Variants in SH3RF1 observed in about 807,000 individuals in gnomAD.
SH3RF1 encodes E3 ubiquitin-protein ligase SH3RF1.
SH3RF1 carries 32 observed loss-of-function variants against 74.0 expected under a neutral mutation model. That is an observed-to-expected ratio of 0.43 (90% confidence interval 0.33 to 0.58). SH3RF1 has a LOEUF of 0.58. Ranked by LOEUF, SH3RF1 falls within the 20% of genes least tolerant of loss-of-function variation. The pLI is 0.05. For missense variants in SH3RF1, 954 were observed against 1,130.9 expected (o/e 0.84, Z 2.24); for synonymous variants, 396 against 439.6 (o/e 0.90, Z 1.24).
intron 2 of SH3RF1, among the ~76,000 whole-genome samples, chr4:169,259,639 C>T (rs1164012009): frequency 6.6e-6 from 1 of 152,128 alleles, no homozygotes; most frequent in African/African-American, 2.4e-5. Context: ...GCAGAAGATA[C>T]ATGTACTCTT....
chr4:169,251,702 A>T (rs1429143696), intron 2 of SH3RF1, among the ~76,000 whole-genome samples: 1 of 152,224 alleles, frequency 6.6e-6, no homozygotes, highest in Non-Finnish European at 1.5e-5. Flanking sequence ...TCAGCAATGC[A>T]GAGTGACCTC....
chr4:169,152,840 T>C (rs749100352), intron 4 of SH3RF1, among the ~76,000 whole-genome samples: 3 of 152,194 alleles, frequency 2.0e-5, no homozygotes, highest in Non-Finnish European at 4.4e-5. Context: ...AGTCACATGA[T>C]GTTGAGGAAG....
intron 2 of SH3RF1, among the ~76,000 whole-genome samples, chr4:169,186,671 A>C (rs1173914339): frequency 3.3e-5 from 5 of 150,532 alleles, no homozygotes; most frequent in Non-Finnish European, 4.5e-5. Flanking sequence ...TCAATAAGGA[A>C]TCTCTCCTTT....
intron 2 of SH3RF1, among the ~76,000 whole-genome samples, chr4:169,240,719 A>T (rs939897215): frequency 2.6e-5 from 4 of 152,168 alleles, no homozygotes; most frequent in Admixed American, 2.6e-4. Context: ...AGAATATTTG[A>T]AATCTACTGG....
chr4:169,140,929 T>C lies in SH3RF1; in HGVS notation c.766-4309A>G, dbSNP rs114036592. 5.0e-3 allele frequency among the ~76,000 whole-genome samples: 761 copies of C among 152,116 alleles called. 6 individuals carry two copies. Among genetic ancestry groups the C allele is most frequent in the African/African-American group, 0.017 (697 of 41,530 alleles). On this transcript the variant is annotated intron_variant, in intron 4 of 11. Transcript: ENST00000284637. ...CCTCTACATGTAGCCCAACACAAAT[T>C]TGTAAACTTTCTTAAAACATTATGA... is the stretch of plus-strand genomic sequence containing the variant.
chr4:169,254,912 T>C (rs780500194), intron 2 of SH3RF1, among the ~76,000 whole-genome samples: 7 of 151,952 alleles, frequency 4.6e-5, no homozygotes, highest in Non-Finnish European at 2.9e-5. Flanking sequence ...TCAGTCCAGA[T>C]AAAAAGAGAG....
At chr4:169,223,077 C>A (rs1730594630) in intron 2 of SH3RF1, among the ~76,000 whole-genome samples, 1 of 152,186 alleles carries the variant, frequency 6.6e-6, no homozygotes, top group Admixed American at 6.5e-5. Context: ...CATCAGTCCT[C>A]CAACACGCAG....
At chr4:169,216,132 T>C (rs2126998702) in intron 2 of SH3RF1, among the ~76,000 whole-genome samples, 1 of 152,310 alleles carries the variant, frequency 6.6e-6, no homozygotes, top group South Asian at 2.1e-4. Context: ...GTATCTGTGA[T>C]ATATGTTAGC....
At chr4:169,246,632 G>A (rs1183722648) in intron 2 of SH3RF1, among the ~76,000 whole-genome samples, 1 of 152,228 alleles carries the variant, frequency 6.6e-6, no homozygotes. Flanking sequence ...ATCTGCACAT[G>A]CAATTAATTA....
intron 2 of SH3RF1, among the ~76,000 whole-genome samples, chr4:169,192,949 CAGCCATAA>C (rs1734752836): frequency 6.7e-6 from 1 of 149,524 alleles, no homozygotes; most frequent in South Asian, 2.1e-4. Context: ...GAATACTACT[CAGCCATAA>C]AAAGGAATAA....
chr4:169,192,830 CATATAGATGTGATATAT>C (rs1490652882), intron 2 of SH3RF1, among the ~76,000 whole-genome samples: 6 of 145,392 alleles, frequency 4.1e-5, no homozygotes, highest in African/African-American at 1.0e-4. Flanking sequence ...ATATATATAT[CATATAGATGTGATATAT>C]ATATCATATA....
chr4:169,127,395 G>C (rs1420675933), intron 6 of SH3RF1, among the ~76,000 whole-genome samples: 1 of 152,154 alleles, frequency 6.6e-6, no homozygotes, highest in East Asian at 1.9e-4. Context: ...GCTGTTAATA[G>C]TACTCACAGT....
chr4:169,191,293 A>G, intron 2 of SH3RF1, among the ~76,000 whole-genome samples: 1 of 114,260 alleles, frequency 8.8e-6, no homozygotes, highest in Non-Finnish European at 1.9e-5. Context: ...CTTTTACAAT[A>G]GCTGCAAAAA....
At chr4:169,146,184 C>A (rs1173478429) in intron 4 of SH3RF1, among the ~76,000 whole-genome samples, 2 of 138,206 alleles carry the variant, frequency 1.4e-5, no homozygotes, top group African/African-American at 5.4e-5. Context: ...ATTATATATT[C>A]TATATAAAAT....
At chr4:169,178,455 G>A (rs1364114952) in intron 2 of SH3RF1, among the ~76,000 whole-genome samples, 3 of 151,912 alleles carry the variant, frequency 2.0e-5, no homozygotes, top group Non-Finnish European at 4.4e-5. Context: ...ACATCAGGAC[G>A]AGGAAGTACA....
chr4:169,148,319 A>G (rs910325563), intron 4 of SH3RF1, among the ~76,000 whole-genome samples: 1 of 152,210 alleles, frequency 6.6e-6, no homozygotes, highest in Non-Finnish European at 1.5e-5. Flanking sequence ...TGAGCAAGAC[A>G]TTTGTCTACA....
At chr4:169,133,091 A>G (rs927521653) in intron 5 of SH3RF1, among the ~76,000 whole-genome samples, 2 of 152,096 alleles carry the variant, frequency 1.3e-5, no homozygotes, top group African/African-American at 4.8e-5. Context: ...GACATCTCTA[A>G]TTGCCATATA....
At chr4:169,260,683 C>A (rs530723609) in intron 2 of SH3RF1, among the ~76,000 whole-genome samples, 1 of 152,128 alleles carries the variant, frequency 6.6e-6, no homozygotes, top group African/African-American at 2.4e-5. Flanking sequence ...CCTTCAGTCA[C>A]GCAAAAGAGA....
chr4:169,255,393 AT>A (rs1398583963), intron 2 of SH3RF1, among the ~76,000 whole-genome samples: 5 of 152,084 alleles, frequency 3.3e-5, no homozygotes, highest in Non-Finnish European at 5.9e-5. Flanking sequence ...ATATGTCACA[AT>A]TTTTTTAAAA....
Sources: allele counts gnomAD v4.1 joint callset (sites outside exome capture counted in the v4.1 genomes callset), GRCh38; gene constraint gnomAD v4.1.1; transcripts MANE v1.5; gene names NCBI Gene and HGNC (gene_info 2026-07-23, HGNC 2026-07-21).